Variants in F2R observed in about 807,000 individuals in gnomAD.
F2R encodes the protein proteinase-activated receptor 1.
In F2R, 12 loss-of-function variants were observed where a neutral mutation model predicts 18.3. That is an observed-to-expected ratio of 0.66 (90% CI 0.42 to 1.06). The LOEUF (loss-of-function observed/expected upper bound fraction) is 1.06, where lower values mean the gene tolerates loss of function less well. F2R is among the 50% of genes least tolerant of loss of function. F2R has a pLI of 0.00. For missense variants in F2R, 438 were observed against 530.8 expected, an observed-to-expected ratio of 0.83 and a Z score of 1.72; for synonymous variants, 210 against 219.9, an observed-to-expected ratio of 0.95 and a Z score of 0.40.
At chr5:76,729,721 C>T (rs1446575981) in intron 1 of F2R, among the ~76,000 whole-genome samples, 1 of 152,146 alleles carries the variant, frequency 6.6e-6, no homozygotes, top group African/African-American at 2.4e-5. Flanking sequence ...GAGTTTATCA[C>T]TTTTGTGTAT....
chr5:76,716,797 C>A (rs1561625638), intron 1 of F2R: 1 of 512,888 alleles, frequency 1.9e-6, no homozygotes, highest in East Asian at 3.4e-5. Flanking sequence ...AAGTGGCGAA[C>A]CGCTGCCGCT....
intron 1 of F2R, among the ~76,000 whole-genome samples, chr5:76,728,738 T>A (rs1409506208): frequency 7.2e-6 from 1 of 138,030 alleles, no homozygotes; most frequent in Non-Finnish European, 1.5e-5. Context: ...TCGGCCAGGC[T>A]GGAGTGCAAT....
chr5:76,723,518 A>G (rs1410281235), intron 1 of F2R, among the ~76,000 whole-genome samples: 1 of 152,242 alleles, frequency 6.6e-6, no homozygotes, highest in East Asian at 1.9e-4. Flanking sequence ...TTAGAATTAT[A>G]TGAACTAAGG....
intron 1 of F2R, among the ~76,000 whole-genome samples, chr5:76,724,060 GT>G (rs1748514121): frequency 6.6e-6 from 1 of 151,910 alleles, no homozygotes; most frequent in South Asian, 2.1e-4. Context: ...ATTTCCTTCT[GT>G]TTTTTTGTTT....
intron 1 of F2R, among the ~76,000 whole-genome samples, chr5:76,729,843 A>G (rs894637358): frequency 6.6e-6 from 1 of 152,178 alleles, no homozygotes. Context: ...AGATGATTGA[A>G]TCATGGAGAC....
chr5:76,732,266 G>T, intron 1 of F2R, 48 bp from the exon 2 acceptor site: 1 of 1,429,964 alleles, frequency 7.0e-7, no homozygotes, highest in East Asian at 2.4e-5. Flanking sequence ...TTGCCTTGTT[G>T]ATGCGTTCAC....
chr5:76,719,624 A>G (rs988088654), intron 1 of F2R, among the ~76,000 whole-genome samples: 16 of 151,476 alleles, frequency 1.1e-4, no homozygotes, highest in Admixed American at 9.9e-4. Flanking sequence ...AGTTGACCAC[A>G]GGCCTGTCTC....
Position 76,716,247 on chromosome 5 carries a change from G to A in F2R, c.-61G>A. 1.6e-6 allele frequency: 2 copies of A among 1,278,678 alleles called. No individual in the cohort carries two copies. The highest frequency in any genetic ancestry group is 2.0e-6 in the Non-Finnish European group (2 of 999,870). 79.2% of individuals were successfully genotyped at this position (1,278,678 alleles called of 1,614,324 possible). On this transcript the variant is annotated 5_prime_UTR_variant, in exon 1 of 2. Coordinates refer to ENST00000319211, the MANE Select transcript of F2R (RefSeq NM_001992.5). ...ACCCGCAGAAGTCAGGAGAGAGGGT[G>A]AAGCGGAGCAGCCCGAGGCGGGGCA...
chr5:76,728,432 T>G (rs547551373), intron 1 of F2R, among the ~76,000 whole-genome samples: 200 of 152,314 alleles, frequency 1.3e-3, no homozygotes, highest in African/African-American at 4.7e-3. Context: ...CACATATAAG[T>G]GAAATCATGC....
In F2R at chr5:76,716,282, A is replaced by T. The variant is rs1412056342; in HGVS notation, c.-26A>T. ...AGCCCGAGGCGGGGCAGCCTCCCGG[A>T]GCAGCGCCGCGCAGAGCCCGGGACA... On this transcript the variant is annotated 5_prime_UTR_variant, in exon 1 of 2. Transcript: ENST00000319211. 1 of 1,350,816 alleles carries T rather than the reference A, an allele frequency of 7.4e-7. No individual in the cohort carries two copies. The highest frequency in any genetic ancestry group is 1.5e-5 in the African/African-American group (1 of 65,102). 83.7% of individuals were successfully genotyped at this position (1,350,816 alleles called of 1,614,324 possible).
At chr5:76,724,793 A>T (rs2227828) in intron 1 of F2R, among the ~76,000 whole-genome samples, 3,197 of 152,314 alleles carry the variant, frequency 0.021, 58 homozygotes, top group Non-Finnish European at 0.034. Flanking sequence ...TTCTTTGAAG[A>T]TGTTCAATGT....
chr5:76,722,817 G>A (rs1490927804), intron 1 of F2R, among the ~76,000 whole-genome samples: 1 of 152,088 alleles, frequency 6.6e-6, no homozygotes, highest in Non-Finnish European at 1.5e-5. Flanking sequence ...CGGGCATGGT[G>A]GTGCACAACT....
intron 1 of F2R, among the ~76,000 whole-genome samples, chr5:76,717,392 G>C (rs182057644): frequency 9.9e-5 from 15 of 151,838 alleles, no homozygotes; most frequent in Admixed American, 2.0e-4. Flanking sequence ...TTTTTTTTAC[G>C]CTGAAAGAAG....
At chr5:76,727,044 A>G (rs1580892314) in intron 1 of F2R, among the ~76,000 whole-genome samples, 1 of 152,246 alleles carries the variant, frequency 6.6e-6, no homozygotes, top group African/African-American at 2.4e-5. Flanking sequence ...TATATAATAT[A>G]CAACTTGTTC....
chr5:76,716,341 T>C lies in F2R; in HGVS notation c.34T>C (p.Cys12Arg). 1.4e-6 allele frequency: 2 copies of C among 1,437,842 alleles called. No homozygotes were observed. The highest frequency in any genetic ancestry group is 9.1e-7 in the Non-Finnish European group (1 of 1,096,562). 89.1% of individuals were successfully genotyped at this position (1,437,842 alleles called of 1,614,324 possible). A position where few individuals can be genotyped will look rare whatever the true frequency, so the allele number is the denominator to read the frequency against. The change falls in exon 1 of 2, where the codon TGC (cysteine) becomes CGC (arginine). Residue 12 changes from cysteine to arginine, a missense_variant. Transcript: ENST00000319211. ...GCGGCGGCTGCTGCTGGTGGCCGCC[T>C]GCTTCAGTCTGTGCGGCCCGCTGTT... ...GPRRLLLVAA[C>R]FSLCGPLLSA...
chr5:76,728,175 A>T (rs1263259266), intron 1 of F2R, among the ~76,000 whole-genome samples: 1 of 152,210 alleles, frequency 6.6e-6, no homozygotes. Flanking sequence ...TACCTCAAAT[A>T]CTTATCATTT....
rs1748476810 is a variant in F2R at position 76,722,348 on chromosome 5, C to T, written c.88+5953C>T. 1.3e-5 allele frequency among the ~76,000 whole-genome samples: 2 copies of T among 152,150 alleles called. 1 individual carries two copies. Among genetic ancestry groups the T allele is most frequent in the South Asian group, 4.1e-4 (2 of 4,822 alleles). On this transcript the variant is annotated intron_variant, in intron 1 of 1. Transcript: ENST00000319211. ...CCTGTAACTTTTCTTGGAGAACAGACCTGGAGAAATGGGGAAAGCCGGGGA... is the reference window on the plus strand; with the variant it reads ...CCTGTAACTTTTCTTGGAGAACAGATCTGGAGAAATGGGGAAAGCCGGGGA...
At chr5:76,716,679 G>T in intron 1 of F2R, 1 of 746,466 alleles carries the variant, frequency 1.3e-6, no homozygotes, top group Non-Finnish European at 2.4e-6. Context: ...CCCTGGGGGA[G>T]CCTGCAGTCC....
At chr5:76,720,331 T>G (rs1397946691) in intron 1 of F2R, among the ~76,000 whole-genome samples, 1 of 151,974 alleles carries the variant, frequency 6.6e-6, no homozygotes, top group Non-Finnish European at 1.5e-5. Flanking sequence ...GTCCCAGCAC[T>G]TGGGAGACTG....
Sources: allele counts gnomAD v4.1 joint callset (sites outside exome capture counted in the v4.1 genomes callset), GRCh38; gene constraint gnomAD v4.1.1; transcripts MANE v1.5; gene names NCBI Gene and HGNC (gene_info 2026-07-23, HGNC 2026-07-21).